CSNK1G2: variants seen among roughly 807,000 people sequenced by gnomAD.
The protein encoded by CSNK1G2 is casein kinase 1 gamma 2, also known as casein kinase I isoform gamma-2.
In CSNK1G2, 11 loss-of-function variants were observed where a neutral mutation model predicts 48.0. The ratio of observed to expected loss-of-function variants is 0.23; its 90% CI spans 0.14 to 0.38. CSNK1G2 has a LOEUF of 0.38. CSNK1G2 is among the 10% of genes least tolerant of loss of function. The pLI, the probability that CSNK1G2 is intolerant of heterozygous loss-of-function variation, is 1.00. For missense variants in CSNK1G2, 446 were observed against 595.5 expected (o/e 0.75, Z 2.61); for synonymous variants, 337 against 254.1 (o/e 1.33, Z -3.10).
intron 1 of CSNK1G2, among the ~76,000 whole-genome samples, chr19:1,945,207 C>T (rs2014511029): frequency 6.6e-6 from 1 of 152,248 alleles, no homozygotes; most frequent in Non-Finnish European, 1.5e-5. Context: ...GGCCCCTCTG[C>T]AGGTGCAGCG....
rs1281720757 is a variant in CSNK1G2 at position 1,980,545 on chromosome 19, C to T, written c.*342C>T. The T allele has an allele frequency of 3.1e-6, 1 of 327,258 alleles. No homozygotes were observed. The highest frequency in any genetic ancestry group is 2.2e-5 in the African/African-American group (1 of 45,082). 20.3% of individuals were successfully genotyped at this position (327,258 alleles called of 1,614,324 possible). A position where few individuals can be genotyped will look rare whatever the true frequency, so the allele number is the denominator to read the frequency against. On this transcript the variant is annotated 3_prime_UTR_variant, in exon 12 of 12. Transcript: ENST00000255641. ...TCTTTGCTGAAGTGAGTAGTGTGAT[C>T]CTGGAGGCCCCCCGGCCTGGCCCCG...
At chr19:1,952,071 C>G (rs1023308546) in intron 1 of CSNK1G2, among the ~76,000 whole-genome samples, 4 of 152,160 alleles carry the variant, frequency 2.6e-5, no homozygotes, top group Non-Finnish European at 5.9e-5. Context: ...CACATAAGGC[C>G]GTGTTCCTGT....
chr19:1,980,049 TG>T, intron 11 of CSNK1G2, 32 bp downstream of exon 11: 1 of 1,582,886 alleles, frequency 6.3e-7, no homozygotes, highest in Non-Finnish European at 8.6e-7. Context: ...TTCGGGGAGG[TG>T]GGGGTGCCCT....
chr19:1,978,275 T>G lies in CSNK1G2; in HGVS notation c.188-30T>G. ...GGTCGGGGCTAGGTGGGCCCTGCGC[T>G]GGCGGTGCTGATGGTCTCTGTCCCC... On this transcript the variant is annotated intron_variant, in intron 2 of 11. Transcript: ENST00000255641. This position sits in a 1 kb window ranked among gnomAD's most constrained non-coding sequence, Gnocchi z 7.3. 1 of 1,612,662 alleles carries G rather than the reference T, an allele frequency of 6.2e-7. No individual in the cohort carries two copies. The highest frequency in any genetic ancestry group is 8.5e-7 in the Non-Finnish European group (1 of 1,179,600).
Position 1,979,921 on chromosome 19 carries a change from C to G in CSNK1G2, c.1097C>G (p.Ser366Cys). 1 of 1,606,614 alleles carries G rather than the reference C, an allele frequency of 6.2e-7. No individual in the cohort carries two copies. The highest frequency in any genetic ancestry group is 1.3e-5 in the African/African-American group (1 of 74,912). ...QPHSKNQALNSTNGELNADDP... is the reference protein window; with the variant it reads ...QPHSKNQALNCTNGELNADDP... ...TACTGCCCCCACCAGGCGTTGAACT[C>G]CACCAACGGGGAGCTGAATGCGGAC... is the stretch of plus-strand genomic sequence containing the variant. Residue 366 changes from serine to cysteine, a missense_variant, in exon 11 of 12, where the codon TCC becomes TGC. Transcript: ENST00000255641.
At chr19:1,951,161 G>A (rs965435221) in intron 1 of CSNK1G2, among the ~76,000 whole-genome samples, 3 of 145,722 alleles carry the variant, frequency 2.1e-5, no homozygotes, top group African/African-American at 7.9e-5. Flanking sequence ...CAGCACTTTG[G>A]GAGGCCGAGA....
At chr19:1,947,116 C>T (rs536400203) in intron 1 of CSNK1G2, among the ~76,000 whole-genome samples, 9 of 152,280 alleles carry the variant, frequency 5.9e-5, no homozygotes, top group East Asian at 3.9e-4. Flanking sequence ...AGCGGTGTTT[C>T]GTTGATGCGT....
chr19:1,964,813 C>G (rs932541712), intron 1 of CSNK1G2, among the ~76,000 whole-genome samples: 1 of 151,516 alleles, frequency 6.6e-6, no homozygotes, highest in Admixed American at 6.6e-5. Flanking sequence ...GCAAGCTCCC[C>G]CTCCCGGGTT....
intron 1 of CSNK1G2, among the ~76,000 whole-genome samples, chr19:1,942,955 T>G (rs2014423668): frequency 6.6e-6 from 1 of 152,108 alleles, no homozygotes; most frequent in African/African-American, 2.4e-5. Flanking sequence ...ACGCCTGCCT[T>G]GACGTCTCTA....
At chr19:1,942,797 C>A (rs144677038) in intron 1 of CSNK1G2, among the ~76,000 whole-genome samples, 1 of 152,150 alleles carries the variant, frequency 6.6e-6, no homozygotes, top group Non-Finnish European at 1.5e-5. Context: ...TGCCAGGGCC[C>A]CCAGGTTTGA....
At position 1,969,589 on chromosome 19, in the gene CSNK1G2, A is replaced by G. The variant is rs1473478362; in HGVS notation, c.-184A>G. On this transcript the variant is annotated 5_prime_UTR_variant, in exon 2 of 12. Coordinates refer to ENST00000255641, the MANE Select transcript of CSNK1G2 (RefSeq NM_001319.7). ...CGAGAGCGACCCCGAGGCCACTGAG[A>G]AGAGCAGCGCGGCCTGGCCGGCCCG... 2.3e-6 allele frequency: 1 copy of G among 437,888 alleles called. No homozygotes were observed. The highest frequency in any genetic ancestry group is 3.9e-6 in the Non-Finnish European group (1 of 255,440). 27.1% of individuals were successfully genotyped at this position (437,888 alleles called of 1,614,324 possible).
Position 1,978,277 on chromosome 19 carries a change from G to A in CSNK1G2, c.188-28G>A. The A allele has an allele frequency of 6.2e-7, 1 of 1,612,980 alleles. No individual in the cohort carries two copies. The highest frequency in any genetic ancestry group is 8.5e-7 in the Non-Finnish European group (1 of 1,179,772). On this transcript the variant is annotated intron_variant, in intron 2 of 11. Transcript: ENST00000255641. This position sits in a 1 kb window ranked among gnomAD's most constrained non-coding sequence, Gnocchi z 7.3. ...TCGGGGCTAGGTGGGCCCTGCGCTGGCGGTGCTGATGGTCTCTGTCCCCGC... is the reference window on the plus strand; with the variant it reads ...TCGGGGCTAGGTGGGCCCTGCGCTGACGGTGCTGATGGTCTCTGTCCCCGC...
intron 1 of CSNK1G2, chr19:1,942,692 GGGGGTTGGCAGCT>G (rs1306765732): frequency 1.3e-5 from 2 of 152,340 alleles, no homozygotes; most frequent in Non-Finnish European, 2.9e-5. Context: ...GGGGCTGGGC[GGGGGTTGGCAGCT>G]GGGGATGGAA....
intron 1 of CSNK1G2, among the ~76,000 whole-genome samples, chr19:1,950,208 C>T (rs1200321865): frequency 1.3e-5 from 2 of 152,092 alleles, no homozygotes; most frequent in Non-Finnish European, 2.9e-5. Context: ...GGCGTGAGCT[C>T]TGCTCACTGC....
intron 2 of CSNK1G2, among the ~76,000 whole-genome samples, chr19:1,972,878 C>G (rs977692463): frequency 6.6e-6 from 1 of 151,662 alleles, no homozygotes; most frequent in African/African-American, 2.4e-5. Flanking sequence ...CCTGCCTCGG[C>G]CTCCCAAAGT....
intron 1 of CSNK1G2, chr19:1,952,790 C>T (rs929108443): frequency 1.6e-5 from 5 of 322,050 alleles, no homozygotes; most frequent in Non-Finnish European, 3.1e-5. Flanking sequence ...TGGGCAGCTC[C>T]CCAGGACCAA....
At chr19:1,944,540 C>T (rs12977951) in intron 1 of CSNK1G2, among the ~76,000 whole-genome samples, 62,678 of 152,172 alleles carry the variant, frequency 0.41, 15,659 homozygotes, top group Non-Finnish European at 0.56. Flanking sequence ...GCAGTGACAG[C>T]GAGGGGTGGT....
At chr19:1,942,202 G>A (rs2014393238) in intron 1 of CSNK1G2, among the ~76,000 whole-genome samples, 1 of 152,202 alleles carries the variant, frequency 6.6e-6, no homozygotes, top group East Asian at 1.9e-4. Context: ...CAGGGAGGGA[G>A]GGTGAGATGT....
At chr19:1,962,055 C>A (rs976689810) in intron 1 of CSNK1G2, among the ~76,000 whole-genome samples, 2 of 152,218 alleles carry the variant, frequency 1.3e-5, no homozygotes, top group South Asian at 4.1e-4. Context: ...CCTGGCCAGG[C>A]GCGGTGGCTC....
Sources: allele counts gnomAD v4.1 joint callset (sites outside exome capture counted in the v4.1 genomes callset), GRCh38; gene constraint gnomAD v4.1.1; non-coding constraint Gnocchi (gnomAD v3.1); transcripts MANE v1.5; gene names NCBI Gene and HGNC (gene_info 2026-07-23, HGNC 2026-07-21).